The following LSM14A variants were observed in gnomAD, a reference collection of about 807,000 sequenced individuals.
LSM14A encodes the protein LSM14A mRNA processing body assembly factor.
A neutral mutation model predicts 52.4 loss-of-function variants in LSM14A; 14 were observed. The ratio of observed to expected loss-of-function variants is 0.27; its 90% CI spans 0.18 to 0.42. The LOEUF (loss-of-function observed/expected upper bound fraction) is 0.42, where lower values mean the gene tolerates loss of function less well. Ranked by LOEUF, LSM14A falls within the 10% of genes least tolerant of loss-of-function variation. The pLI is 1.00. For missense variants in LSM14A, 417 were observed against 581.8 expected, an observed-to-expected ratio of 0.72 and a Z score of 2.91; for synonymous variants, 185 against 200.3, an observed-to-expected ratio of 0.92 and a Z score of 0.64.
At chr19:34,205,091 C>T (rs1191816925) in intron 3 of LSM14A, among the ~76,000 whole-genome samples, 1 of 152,104 alleles carries the variant, frequency 6.6e-6, no homozygotes, top group Non-Finnish European at 1.5e-5. Flanking sequence ...AAGATGACGT[C>T]ACTACACTCC....
intron 1 of LSM14A, among the ~76,000 whole-genome samples, chr19:34,177,191 T>A (rs1313153272): frequency 6.6e-6 from 1 of 152,228 alleles, no homozygotes. Flanking sequence ...CATTTAGTAG[T>A]TTCTTTAAAT....
chr19:34,206,706 G>A (rs1332109919), intron 3 of LSM14A, among the ~76,000 whole-genome samples: 1 of 151,994 alleles, frequency 6.6e-6, no homozygotes, highest in Non-Finnish European at 1.5e-5. Context: ...GAGAATACAG[G>A]AAGAGGAAAT....
At chr19:34,195,726 C>T (rs1360481465) in intron 2 of LSM14A, among the ~76,000 whole-genome samples, 1 of 152,082 alleles carries the variant, frequency 6.6e-6, no homozygotes, top group Non-Finnish European at 1.5e-5. Context: ...ATAGAGATAG[C>T]TCCCTACACC....
intron 4 of LSM14A, among the ~76,000 whole-genome samples, chr19:34,212,040 C>G (rs992393442): frequency 2.0e-5 from 3 of 152,018 alleles, no homozygotes; most frequent in African/African-American, 7.2e-5. Flanking sequence ...CAGGCAGAAA[C>G]AGATCCGAGT....
intron 4 of LSM14A, among the ~76,000 whole-genome samples, chr19:34,210,522 T>G (rs774902132): frequency 2.0e-5 from 3 of 152,236 alleles, no homozygotes; most frequent in Admixed American, 6.5e-5. Flanking sequence ...TCCACCTGCC[T>G]TGGCCTCCCA....
chr19:34,215,366 A>G, intron 5 of LSM14A, 66 bp downstream of exon 5: 1 of 1,394,554 alleles, frequency 7.2e-7, no homozygotes, highest in Middle Eastern at 1.8e-4. Context: ...CTTTATTTTC[A>G]TTAGAAGGAT....
At chr19:34,207,431 T>C (rs1458139898) in intron 3 of LSM14A, among the ~76,000 whole-genome samples, 1 of 152,096 alleles carries the variant, frequency 6.6e-6, no homozygotes. Flanking sequence ...GTATTAGGCT[T>C]CTCCTGAGCT....
chr19:34,210,635 C>CT lies in LSM14A; in HGVS notation c.538+1585dup, dbSNP rs201719393. Among the ~76,000 whole-genome samples, 939 of 152,050 alleles carry CT rather than the reference C, an allele frequency of 6.2e-3. 14 individuals are homozygous for CT. The highest frequency in any genetic ancestry group is 0.022 in the African/African-American group (900 of 41,478). On this transcript the variant is annotated intron_variant, in intron 4 of 9. Transcript: ENST00000544216. Reference sequence around the variant, plus strand: ...TTGTTTTTTGAGATAGGGTCCTGCTCTGTCTCCCAGACTGGAATGCAGTGG... The same window carrying CT: ...TTGTTTTTTGAGATAGGGTCCTGCTCTTGTCTCCCAGACTGGAATGCAGTGG...
chr19:34,192,319 G>GTTTTTTTTT (rs71165632), intron 1 of LSM14A, among the ~76,000 whole-genome samples: 733 of 53,396 alleles, frequency 0.014, 65 homozygotes, highest in Non-Finnish European at 0.019. Context: ...TCTTTTTGTT[G>GTTTTTTTTT]TTTTTTTTTT....
chr19:34,216,968 A>G (rs905278595), intron 6 of LSM14A, among the ~76,000 whole-genome samples: 2 of 152,156 alleles, frequency 1.3e-5, no homozygotes, highest in Non-Finnish European at 2.9e-5. Context: ...CCTCATTAAA[A>G]TTAAGCCCAG....
intron 1 of LSM14A, among the ~76,000 whole-genome samples, chr19:34,182,708 G>A (rs1185895573): frequency 6.6e-6 from 1 of 151,072 alleles, no homozygotes; most frequent in Non-Finnish European, 1.5e-5. Context: ...GCCAAGTGTG[G>A]TGGCAGGCAC....
intron 9 of LSM14A, among the ~76,000 whole-genome samples, chr19:34,225,925 G>T (rs1259408171): frequency 1.3e-5 from 2 of 152,032 alleles, no homozygotes; most frequent in Non-Finnish European, 2.9e-5. Context: ...TAGCTGGAGT[G>T]GTGGCACATG....
intron 1 of LSM14A, among the ~76,000 whole-genome samples, chr19:34,185,769 G>A (rs986638682): frequency 1.3e-5 from 2 of 152,162 alleles, no homozygotes; most frequent in Admixed American, 1.3e-4. Context: ...TTTGTGTATG[G>A]CACCGAATGG....
intron 3 of LSM14A, among the ~76,000 whole-genome samples, chr19:34,201,574 C>T (rs1210712304): frequency 6.6e-6 from 1 of 152,142 alleles, no homozygotes; most frequent in Non-Finnish European, 1.5e-5. Context: ...AACTCCTGAC[C>T]TCTTGATCCG....
intron 1 of LSM14A, among the ~76,000 whole-genome samples, chr19:34,190,069 G>A (rs1265587964): frequency 6.6e-6 from 1 of 152,168 alleles, no homozygotes; most frequent in South Asian, 2.1e-4. Flanking sequence ...TGTATGTGTT[G>A]TAGTAGAATA....
intron 1 of LSM14A, among the ~76,000 whole-genome samples, chr19:34,187,555 G>A (rs956784138): frequency 3.9e-5 from 6 of 152,088 alleles, no homozygotes; most frequent in African/African-American, 1.2e-4. Context: ...CTCCCAAAGC[G>A]CTGAGACTAC....
intron 9 of LSM14A, among the ~76,000 whole-genome samples, chr19:34,223,680 T>G (rs2073187529): frequency 6.6e-6 from 1 of 152,234 alleles, no homozygotes; most frequent in Non-Finnish European, 1.5e-5. Context: ...TTTACCCCAC[T>G]TTAAGGCAGA....
chr19:34,221,882 T>TGA, intron 9 of LSM14A, 144 bp downstream of exon 9: 1 of 1,408,094 alleles, frequency 7.1e-7, no homozygotes, highest in Non-Finnish European at 9.3e-7. Flanking sequence ...AGGATATACG[T>TGA]GATTCAGATG....
In LSM14A at chr19:34,221,638, G is replaced by A. The variant is rs370562803; in HGVS notation, c.1268G>A (p.Arg423His). The A allele has an allele frequency of 1.1e-5, 17 of 1,614,020 alleles. No homozygotes were observed. Among genetic ancestry groups the A allele is most frequent in the Middle Eastern group, 1.6e-4 (1 of 6,084 alleles). Residue 423 changes from arginine (R) to histidine (H), a missense_variant, in exon 9 of 10, where the codon CGT becomes CAT. By Grantham distance (29) the Arg-to-His change is conservative (BLOSUM62 0). Transcript: ENST00000544216. Reference protein sequence around the residue: ...GGLGFRGGRGRGGGRGGTFTA... With the variant: ...GGLGFRGGRGHGGGRGGTFTA... ...CTTGGTTTCCGTGGTGGCAGAGGGCGTGGTGGTGGCAGAGGTGGTACCTTC... is the reference window on the plus strand; with the variant it reads ...CTTGGTTTCCGTGGTGGCAGAGGGCATGGTGGTGGCAGAGGTGGTACCTTC...
Sources: allele counts gnomAD v4.1 joint callset (sites outside exome capture counted in the v4.1 genomes callset), GRCh38; gene constraint gnomAD v4.1.1; transcripts MANE v1.5; gene names NCBI Gene and HGNC (gene_info 2026-07-23, HGNC 2026-07-21).